ACSS3: variants seen among roughly 807,000 people sequenced by gnomAD.
The protein encoded by ACSS3 is acyl-CoA synthetase short-chain family member 3, mitochondrial.
Under a neutral mutation model 84.2 loss-of-function variants are expected in ACSS3, and 64 were observed. The ratio of observed to expected loss-of-function variants is 0.76; its 90% CI spans 0.62 to 0.94. The LOEUF (loss-of-function observed/expected upper bound fraction) is 0.94. ACSS3 is among the 40% of genes least tolerant of loss of function. The pLI, the probability that ACSS3 is intolerant of heterozygous loss-of-function variation, is 0.00. For synonymous variants in ACSS3, 317 were observed against 310.1 expected (o/e 1.02, Z -0.23); for missense variants, 815 against 867.6 (o/e 0.94, Z 0.76).
chr12:81,216,973 G>T lies in ACSS3; in HGVS notation c.1427G>T (p.Gly476Val). The T allele has an allele frequency of 6.2e-7, 1 of 1,610,660 alleles. No homozygotes were observed. Among genetic ancestry groups the T allele is most frequent in the Non-Finnish European group, 8.5e-7 (1 of 1,177,680 alleles). Residue 476 changes from glycine to valine, a missense_variant, in exon 10 of 16, where the codon GGA becomes GTA. Physicochemically the swap from Gly to Val is moderately radical, Grantham distance 109. Transcript: ENST00000548058. The part of the protein sequence containing the change: ...NSKTPPPGQA[G>V]KSVPGYNVMI... ...AAAACACCTCCACCAGGGCAAGCAG[G>T]AAAAAGCGTCCCAGGATACAATGGT...
Position 81,259,634 on chromosome 12 carries a change from A to G in ACSS3, c.*4712A>G. On this transcript the variant is annotated 3_prime_UTR_variant, in exon 16 of 16. Coordinates refer to ENST00000548058, the MANE Select transcript of ACSS3 (RefSeq NM_024560.4). ...GTCTTCTTAGATGGTAGTGCACTTT[A>G]GGTAGAGTAGACTGAAAAGACGCCA... 1 of 1,534,116 alleles carries G rather than the reference A, an allele frequency of 6.5e-7. No individual in the cohort carries two copies. Among genetic ancestry groups the G allele is most frequent in the Non-Finnish European group, 8.7e-7 (1 of 1,145,320 alleles).
At chr12:81,119,562 C>G (rs1884381685) in intron 2 of ACSS3, among the ~76,000 whole-genome samples, 1 of 152,048 alleles carries the variant, frequency 6.6e-6, no homozygotes, top group African/African-American at 2.4e-5. Flanking sequence ...AGACCTCTCC[C>G]CAGGAATGCA....
At chr12:81,176,345 G>A (rs1565705411) in intron 8 of ACSS3, among the ~76,000 whole-genome samples, 2 of 152,094 alleles carry the variant, frequency 1.3e-5, no homozygotes, top group Admixed American at 6.5e-5. Context: ...CTGGAAGGCC[G>A]AGGCAGGTGG....
Position 81,156,209 on chromosome 12 carries a change from C to CACA in ACSS3, c.1098+4113_1098+4114insACA, listed in dbSNP as rs1555176600. ...AAACACACACACACACACACACACC[C>CACA]CACACACACACACACACACACGTCT... On this transcript the variant is annotated intron_variant, in intron 7 of 15. Coordinates refer to ENST00000548058, the MANE Select transcript of ACSS3 (RefSeq NM_024560.4). Among the ~76,000 whole-genome samples, 129 of 147,128 alleles carry CACA rather than the reference C, an allele frequency of 8.8e-4. 1 individual carries two copies. Among genetic ancestry groups the CACA allele is most frequent in the African/African-American group, 2.6e-3 (106 of 40,006 alleles).
intron 2 of ACSS3, among the ~76,000 whole-genome samples, chr12:81,129,325 C>T (rs1885330412): frequency 7.7e-6 from 1 of 130,150 alleles, no homozygotes; most frequent in South Asian, 2.4e-4. Context: ...ATATTTTAAA[C>T]TCAGAATGAA....
At chr12:81,212,954 T>C (rs954614044) in intron 9 of ACSS3, among the ~76,000 whole-genome samples, 2 of 152,186 alleles carry the variant, frequency 1.3e-5, no homozygotes, top group Admixed American at 6.5e-5. Context: ...CCTAGCTGTC[T>C]CTTATCTAAA....
At chr12:81,122,477 TA>T (rs1212156714) in intron 2 of ACSS3, among the ~76,000 whole-genome samples, 1 of 152,174 alleles carries the variant, frequency 6.6e-6, no homozygotes, top group African/African-American at 2.4e-5. Context: ...AATTTTAAAG[TA>T]ACAACTTTGT....
chr12:81,252,066 A>G (rs1036999493), intron 13 of ACSS3, among the ~76,000 whole-genome samples: 21 of 152,018 alleles, frequency 1.4e-4, no homozygotes, highest in Non-Finnish European at 4.4e-5. Context: ...TGAGGTATGA[A>G]TGGTGCCTAT....
chr12:81,205,990 T>A (rs2032330266), intron 9 of ACSS3, among the ~76,000 whole-genome samples: 1 of 152,102 alleles, frequency 6.6e-6, no homozygotes, highest in Non-Finnish European at 1.5e-5. Context: ...GATGTGACAA[T>A]GAAGAAAGCA....
chr12:81,199,720 C>G, intron 9 of ACSS3: 1 of 1,336,982 alleles, frequency 7.5e-7, no homozygotes, highest in South Asian at 1.2e-5. Context: ...TGGTAAGTTA[C>G]TAAGTCTCAG....
At chr12:81,191,580 GT>G (rs1231129319) in intron 8 of ACSS3, among the ~76,000 whole-genome samples, 2 of 152,154 alleles carry the variant, frequency 1.3e-5, no homozygotes, top group African/African-American at 4.8e-5. Flanking sequence ...TTATGGGAAG[GT>G]TTTTAAGTTA....
chr12:81,134,036 G>A (rs894450104), intron 2 of ACSS3, among the ~76,000 whole-genome samples: 2 of 151,430 alleles, frequency 1.3e-5, no homozygotes, highest in African/African-American at 2.4e-5. Context: ...AACATGTTAC[G>A]GGGAAGAGAC....
Position 81,185,538 on chromosome 12 carries a change from A to G in ACSS3, c.1250+10599A>G, listed in dbSNP as rs899349892. Among the ~76,000 whole-genome samples, 5 of 151,906 alleles carry G rather than the reference A, an allele frequency of 3.3e-5. No individual in the cohort carries two copies. The South Asian group carries it at 1.0e-3, about 31-fold the overall frequency. ...ACAAAAATCAGTGGCATTTTTCTAC[A>G]CAAATAATGATCTAACTGAAAAGAA... On this transcript the variant is annotated intron_variant, in intron 8 of 15. Transcript: ENST00000548058.
chr12:81,148,005 T>C (rs924843033), intron 5 of ACSS3, among the ~76,000 whole-genome samples: 9 of 148,566 alleles, frequency 6.1e-5, no homozygotes, highest in African/African-American at 2.4e-4. Context: ...ATTTTACATA[T>C]GTAAATATAT....
At chr12:81,139,662 A>C (rs547227376) in intron 4 of ACSS3, among the ~76,000 whole-genome samples, 48 of 148,912 alleles carry the variant, frequency 3.2e-4, no homozygotes, top group Non-Finnish European at 6.8e-4. Flanking sequence ...TTTGAGACAG[A>C]GTCTCACTCT....
intron 8 of ACSS3, among the ~76,000 whole-genome samples, chr12:81,176,555 A>G (rs1593162371): frequency 6.6e-6 from 1 of 152,092 alleles, no homozygotes; most frequent in Admixed American, 6.6e-5. Flanking sequence ...GCCTGACAAC[A>G]GAATGAGACT....
rs931606492 is a variant in ACSS3 at position 81,256,507 on chromosome 12, A to T, written c.*1585A>T. The T allele has an allele frequency of 2.0e-5, 3 of 152,150 alleles. No individual in the cohort carries two copies. The highest frequency in any genetic ancestry group is 4.4e-5 in the Non-Finnish European group (3 of 68,028). 9.4% of individuals were successfully genotyped at this position (152,150 alleles called of 1,614,324 possible). On this transcript the variant is annotated 3_prime_UTR_variant, in exon 16 of 16. Coordinates refer to ENST00000548058, the MANE Select transcript of ACSS3 (RefSeq NM_024560.4). ...TATCAAAGAATACATTTTAACCCAA[A>T]AGTATACCATGCTCATTGTATCTTT...
chr12:81,180,790 A>G (rs1418257188), intron 8 of ACSS3, among the ~76,000 whole-genome samples: 1 of 152,220 alleles, frequency 6.6e-6, no homozygotes, highest in Non-Finnish European at 1.5e-5. Flanking sequence ...TGCTGGGATT[A>G]CAAGAATGAG....
chr12:81,083,588 C>G (rs1347415724), intron 1 of ACSS3, among the ~76,000 whole-genome samples: 5 of 151,894 alleles, frequency 3.3e-5, no homozygotes, highest in Admixed American at 6.5e-5. Context: ...TCTCGAACTC[C>G]TGACCTCGTG....
Sources: allele counts gnomAD v4.1 joint callset (sites outside exome capture counted in the v4.1 genomes callset), GRCh38; gene constraint gnomAD v4.1.1; transcripts MANE v1.5; gene names NCBI Gene and HGNC (gene_info 2026-07-23, HGNC 2026-07-21).